Variants in MNAT1 observed in about 807,000 individuals in gnomAD.
MNAT1 encodes CDK-activating kinase assembly factor MAT1.
A neutral mutation model predicts 42.0 loss-of-function variants in MNAT1; 43 were observed. That is an observed-to-expected ratio of 1.02 (90% CI 0.80 to 1.32). MNAT1 has a LOEUF of 1.32. Ranked by LOEUF, MNAT1 falls within the 40% of genes most tolerant of loss-of-function variation. The pLI, the probability that MNAT1 is intolerant of heterozygous loss-of-function variation, is 0.00. For missense variants in MNAT1, 306 were observed against 350.4 expected (o/e 0.87, Z 1.01); for synonymous variants, 118 against 120.0 (o/e 0.98, Z 0.11).
chr14:60,803,662 G>A (rs1007773926), intron 3 of MNAT1, among the ~76,000 whole-genome samples: 3 of 152,202 alleles, frequency 2.0e-5, no homozygotes, highest in African/African-American at 7.2e-5. Flanking sequence ...GATCTTATAG[G>A]TAGAAGGGTG....
chr14:60,939,818 C>T (rs1056858664), intron 7 of MNAT1, among the ~76,000 whole-genome samples: 7 of 151,998 alleles, frequency 4.6e-5, no homozygotes, highest in East Asian at 3.9e-4. Context: ...ATCTGTCTAA[C>T]GTTGAGAGTG....
intron 7 of MNAT1, among the ~76,000 whole-genome samples, chr14:60,914,746 T>C (rs2035474965): frequency 6.6e-6 from 1 of 152,094 alleles, no homozygotes; most frequent in Admixed American, 6.5e-5. Flanking sequence ...CTTAGGGAGA[T>C]TTAAAAAAGA....
chr14:60,834,084 A>G (rs1161893720), intron 6 of MNAT1, among the ~76,000 whole-genome samples: 3 of 151,834 alleles, frequency 2.0e-5, no homozygotes, highest in Non-Finnish European at 4.4e-5. Flanking sequence ...AGTCTGGATA[A>G]TGGTCTATCT....
At chr14:60,831,696 A>T (rs1272293318) in intron 6 of MNAT1, among the ~76,000 whole-genome samples, 1 of 152,202 alleles carries the variant, frequency 6.6e-6, no homozygotes, top group Non-Finnish European at 1.5e-5. Context: ...TATACTCAGT[A>T]ATGGGATTGC....
intron 1 of MNAT1, among the ~76,000 whole-genome samples, chr14:60,739,896 G>A (rs987244953): frequency 1.3e-5 from 2 of 152,232 alleles, no homozygotes; most frequent in Non-Finnish European, 2.9e-5. Flanking sequence ...GCTTACGCCT[G>A]TAATCCCAGC....
rs564717721 is a variant in MNAT1 at position 60,779,950 on chromosome 14, T to TTGTGTCCCTGGCCA, written c.90-16250_90-16237dup. 2.7e-6 allele frequency: 4 copies of TTGTGTCCCTGGCCA among 1,473,756 alleles called. No homozygotes were observed. In the South Asian group the frequency reaches 3.4e-5, roughly 13 times the overall value. The allele number at this position is 1,473,756 out of a possible 1,614,324, so 91.3% of individuals were successfully genotyped here. A position where few individuals can be genotyped will look rare whatever the true frequency, so the allele number is the denominator to read the frequency against. On this transcript the variant is annotated intron_variant, in intron 1 of 7. Coordinates refer to ENST00000261245, the MANE Select transcript of MNAT1 (RefSeq NM_002431.4). ...GTGTAGTGAAAGCGCGTGCCTTTGTTTGTGTCCCTGGCCATGTGTCCCTGG... is the reference window on the plus strand; with the variant it reads ...GTGTAGTGAAAGCGCGTGCCTTTGTTTGTGTCCCTGGCCATGTGTCCCTGGCCATGTGTCCCTGG...
At chr14:60,898,258 A>T (rs1335894802) in intron 7 of MNAT1, among the ~76,000 whole-genome samples, 1 of 152,054 alleles carries the variant, frequency 6.6e-6, no homozygotes, top group Non-Finnish European at 1.5e-5. Context: ...TGTCCTTGAT[A>T]TACTGATTTC....
intron 7 of MNAT1, among the ~76,000 whole-genome samples, chr14:60,888,813 C>T (rs1423658647): frequency 1.5e-5 from 2 of 131,680 alleles, no homozygotes; most frequent in African/African-American, 5.7e-5. Flanking sequence ...AACAGACAAA[C>T]AGAGAGCCAA....
intron 7 of MNAT1, among the ~76,000 whole-genome samples, chr14:60,893,571 A>G (rs1020278335): frequency 1.3e-5 from 2 of 152,164 alleles, no homozygotes; most frequent in African/African-American, 4.8e-5. Flanking sequence ...CTGCTAGGCC[A>G]TTAGTGTCAA....
intron 7 of MNAT1, among the ~76,000 whole-genome samples, chr14:60,883,128 G>A (rs1165699624): frequency 6.6e-6 from 1 of 152,072 alleles, no homozygotes; most frequent in Non-Finnish European, 1.5e-5. Context: ...CTGTGCTTGT[G>A]GGGGTGTTCC....
At position 60,811,957 on chromosome 14, in the gene MNAT1, T is replaced by C. The variant is rs200759666; in HGVS notation, c.421-30T>C. ...TGATTGCTCTTGGCTCCTAAATTTA[T>C]TCCACGCCATATATAAATTTTTGTT... is the stretch of plus-strand genomic sequence containing the variant. On this transcript the variant is annotated intron_variant, in intron 4 of 7. Transcript: ENST00000261245. 5.1e-5 allele frequency: 78 copies of C among 1,535,414 alleles called. No homozygotes were observed. In the Middle Eastern group the frequency reaches 5.2e-4, roughly 10 times the overall value.
At chr14:60,776,571 G>C (rs904261442) in intron 1 of MNAT1, among the ~76,000 whole-genome samples, 2 of 151,504 alleles carry the variant, frequency 1.3e-5, no homozygotes, top group Non-Finnish European at 2.9e-5. Context: ...AAACTGTCCT[G>C]GGGGGGGAGG....
At chr14:60,890,500 A>G (rs183051590) in intron 7 of MNAT1, among the ~76,000 whole-genome samples, 8 of 152,290 alleles carry the variant, frequency 5.3e-5, no homozygotes, top group Non-Finnish European at 8.8e-5. Flanking sequence ...CACGATCACA[A>G]GGTGAAGCCC....
chr14:60,864,752 C>T (rs903825569), intron 6 of MNAT1, among the ~76,000 whole-genome samples: 3 of 151,776 alleles, frequency 2.0e-5, no homozygotes, highest in Non-Finnish European at 4.4e-5. Context: ...GATTTAATTG[C>T]ATGGTGGTTT....
chr14:60,852,888 G>T (rs541210366), intron 6 of MNAT1, among the ~76,000 whole-genome samples: 2 of 152,084 alleles, frequency 1.3e-5, no homozygotes, highest in African/African-American at 2.4e-5. Context: ...GGTCTCTGTT[G>T]TGTTCCATTG....
intron 6 of MNAT1, among the ~76,000 whole-genome samples, chr14:60,870,053 T>G (rs2139447869): frequency 6.6e-6 from 1 of 152,274 alleles, no homozygotes; most frequent in South Asian, 2.1e-4. Flanking sequence ...CATTTCAGAT[T>G]ATTAAAAATA....
chr14:60,912,416 T>G lies in MNAT1; in HGVS notation c.809+32581T>G, dbSNP rs529599489. On this transcript the variant is annotated intron_variant, in intron 7 of 7. Transcript: ENST00000261245. The stretch of plus-strand genomic sequence containing the variant: ...TAGTTGATGCAGTTTCTTCCTAGCC[T>G]TGATAGTCTTTACAAATTGGCATGT... Among the ~76,000 whole-genome samples, 382 of 152,326 alleles carry G rather than the reference T, an allele frequency of 2.5e-3. 1 individual carries two copies. The highest frequency in any genetic ancestry group is 3.1e-3 in the Non-Finnish European group (209 of 68,024).
At chr14:60,954,125 A>T (rs570197391) in intron 7 of MNAT1, among the ~76,000 whole-genome samples, 21 of 152,130 alleles carry the variant, frequency 1.4e-4, no homozygotes, top group Non-Finnish European at 2.8e-4. Flanking sequence ...ATACTTTGAG[A>T]TCAGGTGATA....
At chr14:60,832,528 T>C (rs2033255710) in intron 6 of MNAT1, among the ~76,000 whole-genome samples, 1 of 152,200 alleles carries the variant, frequency 6.6e-6, no homozygotes, top group Non-Finnish European at 1.5e-5. Flanking sequence ...TTATGTTTCA[T>C]TGGTCTATAT....
Sources: allele counts gnomAD v4.1 joint callset (sites outside exome capture counted in the v4.1 genomes callset), GRCh38; gene constraint gnomAD v4.1.1; transcripts MANE v1.5; gene names NCBI Gene and HGNC (gene_info 2026-07-23, HGNC 2026-07-21).